The following ASIC2 variants were observed in gnomAD, a reference collection of about 807,000 sequenced individuals.
ASIC2 encodes the protein acid sensing ion channel subunit 2, also known as acid-sensing ion channel 2.
A neutral mutation model predicts 57.3 loss-of-function variants in ASIC2; 25 were observed. The ratio of observed to expected loss-of-function variants is 0.44; its 90% CI spans 0.32 to 0.61. The LOEUF is 0.61. Ranked by LOEUF, ASIC2 falls within the 20% of genes least tolerant of loss-of-function variation. The probability of loss-of-function intolerance (pLI) is 0.06; values close to 1 mark genes in which losing one functional copy is unlikely to be tolerated. For missense variants in ASIC2, 641 were observed against 738.1 expected, an observed-to-expected ratio of 0.87 and a Z score of 1.52; for synonymous variants, 319 against 307.5, an observed-to-expected ratio of 1.04 and a Z score of -0.39.
intron 1 of ASIC2, among the ~76,000 whole-genome samples, chr17:34,062,818 AG>A (rs1245885593): frequency 1.3e-5 from 2 of 152,312 alleles, no homozygotes; most frequent in South Asian, 2.1e-4. Context: ...AGCTTAAATC[AG>A]GAAGACTTAG....
intron 1 of ASIC2, among the ~76,000 whole-genome samples, chr17:33,213,508 T>C (rs1907361115): frequency 6.6e-6 from 1 of 152,036 alleles, no homozygotes; most frequent in South Asian, 2.1e-4. Context: ...GGCCTGGGAG[T>C]GAAGCTCAGT....
intron 1 of ASIC2, among the ~76,000 whole-genome samples, chr17:33,919,556 T>C (rs1915665781): frequency 6.6e-6 from 1 of 152,106 alleles, no homozygotes; most frequent in South Asian, 2.1e-4. Flanking sequence ...CCTCAAGCTA[T>C]ATAAAAAAAA....
At chr17:33,496,906 C>A (rs1240248611) in intron 1 of ASIC2, among the ~76,000 whole-genome samples, 1 of 152,134 alleles carries the variant, frequency 6.6e-6, no homozygotes, top group Non-Finnish European at 1.5e-5. Context: ...GTGTGAGCCA[C>A]CATGCCTGGC....
intron 1 of ASIC2, among the ~76,000 whole-genome samples, chr17:33,884,016 C>T (rs1211711539): frequency 2.0e-5 from 3 of 152,164 alleles, no homozygotes; most frequent in African/African-American, 2.4e-5. Context: ...TGTGTAGCCA[C>T]GAGACTATAT....
chr17:33,757,705 C>T (rs1048916460), intron 1 of ASIC2, among the ~76,000 whole-genome samples: 2 of 152,210 alleles, frequency 1.3e-5, no homozygotes, highest in South Asian at 4.1e-4. Context: ...CTGTATTCTG[C>T]TCTCAGGATC....
chr17:33,277,948 G>C (rs1272948031), intron 1 of ASIC2, among the ~76,000 whole-genome samples: 3 of 152,202 alleles, frequency 2.0e-5, no homozygotes, highest in Admixed American at 2.0e-4. Flanking sequence ...TGTACCCACA[G>C]TACAAAGAAC....
At chr17:33,572,213 T>C (rs1916470530) in intron 1 of ASIC2, 1 of 152,102 alleles carries the variant, frequency 6.6e-6, no homozygotes, top group Non-Finnish European at 1.5e-5. Flanking sequence ...ATGGAACCAC[T>C]CACTCCTATT....
chr17:34,081,440 C>A (rs1909879068), intron 1 of ASIC2, among the ~76,000 whole-genome samples: 1 of 152,154 alleles, frequency 6.6e-6, no homozygotes, highest in Admixed American at 6.5e-5. Context: ...GCATCTCCTC[C>A]TTGGTTCTAC....
At chr17:34,141,052 C>G (rs938471389) in intron 1 of ASIC2, among the ~76,000 whole-genome samples, 2 of 152,030 alleles carry the variant, frequency 1.3e-5, no homozygotes, top group Non-Finnish European at 2.9e-5. Context: ...AATTCTGCAT[C>G]AGTTTTGTGA....
intron 1 of ASIC2, among the ~76,000 whole-genome samples, chr17:33,586,479 C>T (rs1904636296): frequency 1.3e-5 from 2 of 152,190 alleles, no homozygotes; most frequent in Admixed American, 1.3e-4. Flanking sequence ...CTCTGTAGAA[C>T]CTTGCATTGC....
intron 1 of ASIC2, among the ~76,000 whole-genome samples, chr17:34,087,268 G>C (rs989024269): frequency 2.0e-5 from 3 of 152,092 alleles, no homozygotes; most frequent in Non-Finnish European, 4.4e-5. Context: ...TTGCTTGTCT[G>C]TAAAGTATTT....
intron 2 of ASIC2, among the ~76,000 whole-genome samples, chr17:33,106,621 T>C (rs4239237): frequency 0.64 from 97,568 of 152,034 alleles, 31,699 homozygotes; most frequent in African/African-American, 0.74. Context: ...GAGTGCCTTC[T>C]GCAACCACCA....
At chr17:34,155,924 G>A (rs1434731484) in intron 1 of ASIC2, 1 of 1,539,484 alleles carries the variant, frequency 6.5e-7, no homozygotes, top group Non-Finnish European at 8.7e-7. Context: ...GAGACCACCG[G>A]CGCACCACTT....
chr17:33,464,500 CTT>C (rs560250085), intron 1 of ASIC2, among the ~76,000 whole-genome samples: 1,009 of 38,612 alleles, frequency 0.026, 29 homozygotes, highest in Non-Finnish European at 0.034. Context: ...TTCTTTCTTT[CTT>C]TCTTTCTTTC....
At chr17:33,475,589 G>T (rs943010744) in intron 1 of ASIC2, among the ~76,000 whole-genome samples, 8 of 152,318 alleles carry the variant, frequency 5.3e-5, no homozygotes, top group Non-Finnish European at 4.4e-5. Context: ...AATGATGGGG[G>T]TTAAGTAACG....
intron 1 of ASIC2, among the ~76,000 whole-genome samples, chr17:33,849,051 T>C (rs1913691255): frequency 6.6e-6 from 1 of 152,234 alleles, no homozygotes; most frequent in Non-Finnish European, 1.5e-5. Flanking sequence ...AAAATTGGCC[T>C]AATTTTTACA....
chr17:33,487,387 G>C (rs530031241), intron 1 of ASIC2, among the ~76,000 whole-genome samples: 4 of 152,330 alleles, frequency 2.6e-5, no homozygotes, highest in Admixed American at 6.5e-5. Context: ...ATCTCCTTAA[G>C]GTTGCACAGT....
intron 1 of ASIC2, among the ~76,000 whole-genome samples, chr17:33,506,579 T>G (rs1445429048): frequency 6.6e-6 from 1 of 152,208 alleles, no homozygotes; most frequent in Non-Finnish European, 1.5e-5. Context: ...TGGGGGTGTG[T>G]GTGTGTGTAC....
intron 1 of ASIC2, among the ~76,000 whole-genome samples, chr17:33,987,459 G>A (rs1378825285): frequency 1.3e-5 from 2 of 152,126 alleles, no homozygotes; most frequent in Non-Finnish European, 2.9e-5. Context: ...ATCCATGCTG[G>A]GCAGCTAGGG....
Sources: allele counts gnomAD v4.1 joint callset (sites outside exome capture counted in the v4.1 genomes callset), GRCh38; gene constraint gnomAD v4.1.1; transcripts MANE v1.5; gene names NCBI Gene and HGNC (gene_info 2026-07-23, HGNC 2026-07-21).